Variants in WWC2 observed in about 807,000 individuals in gnomAD.
The protein encoded by WWC2 is WW and C2 domain containing 2, also known as protein WWC2.
Under a neutral mutation model 138.5 loss-of-function variants are expected in WWC2, and 101 were observed. That is an observed-to-expected ratio of 0.73 (90% CI 0.62 to 0.86). WWC2 has a LOEUF of 0.86. WWC2 is among the 40% of genes least tolerant of loss of function. The probability of loss-of-function intolerance (pLI) is 0.00; values close to 1 mark genes in which losing one functional copy is unlikely to be tolerated. For missense variants in WWC2, 1,420 were observed against 1,419.4 expected, an observed-to-expected ratio of 1.00 and a Z score of -0.01; for synonymous variants, 558 against 538.4, an observed-to-expected ratio of 1.04 and a Z score of -0.50.
chr4:183,224,778 C>A (rs972406718), intron 4 of WWC2, among the ~76,000 whole-genome samples: 1 of 152,142 alleles, frequency 6.6e-6, no homozygotes, highest in Admixed American at 6.5e-5. Context: ...TCAGGCTGGT[C>A]TCAAACTCCT....
intron 16 of WWC2, among the ~76,000 whole-genome samples, chr4:183,271,473 C>T (rs1354076156): frequency 6.6e-6 from 1 of 152,166 alleles, no homozygotes; most frequent in African/African-American, 2.4e-5. Context: ...CTCTTTTCTG[C>T]TCACACTTCC....
intron 1 of WWC2, among the ~76,000 whole-genome samples, chr4:183,152,941 G>A (rs915081010): frequency 6.6e-6 from 1 of 152,044 alleles, no homozygotes. Flanking sequence ...TATCAGCTAG[G>A]CTGGAATACA....
In WWC2 at chr4:183,260,962, G is replaced by C. The variant is rs1329065630; in HGVS notation, c.1339G>C (p.Ala447Pro). ...MSSGSSLGSL[A>P]SSRGSLNTSS... The stretch of plus-strand genomic sequence containing the variant: ...ATCTGGGAGCAGCCTGGGTTCCCTG[G>C]CATCGAGTCGGGGCTCTCTGAACAC... Residue 447 changes from alanine to proline, a missense_variant, in exon 11 of 23, where the codon GCA becomes CCA. By Grantham distance (27) the Ala-to-Pro change is conservative. Transcript: ENST00000403733. 1.2e-6 allele frequency: 2 copies of C among 1,613,934 alleles called. No individual in the cohort carries two copies. Among genetic ancestry groups the C allele is most frequent in the East Asian group, 4.5e-5 (2 of 44,878 alleles).
chr4:183,268,164 G>A (rs867378242), intron 14 of WWC2, among the ~76,000 whole-genome samples: 1 of 152,292 alleles, frequency 6.6e-6, no homozygotes, highest in Middle Eastern at 3.4e-3. Flanking sequence ...AGAAAGGCAT[G>A]TTTTAGAATC....
chr4:183,222,478 T>G (rs565578391), intron 4 of WWC2, among the ~76,000 whole-genome samples: 1 of 152,116 alleles, frequency 6.6e-6, no homozygotes, highest in Admixed American at 6.5e-5. Context: ...AATATAGTGG[T>G]CCTATCTAGA....
intron 1 of WWC2, among the ~76,000 whole-genome samples, chr4:183,181,270 C>G (rs1464677425): frequency 3.9e-5 from 6 of 152,198 alleles, no homozygotes; most frequent in African/African-American, 1.4e-4. Flanking sequence ...AAAGTGATCT[C>G]TCACAGTTCT....
Position 183,264,927 on chromosome 4 carries a change from A to C in WWC2, c.1910-51A>C, listed in dbSNP as rs1737444600. The stretch of plus-strand genomic sequence containing the variant: ...AAACTATGTATGTATTTAATACTTA[A>C]CTTTTCCAAATAAGACATTCTGATT... On this transcript the variant is annotated intron_variant, in intron 11 of 22. Transcript: ENST00000403733. The C allele has an allele frequency of 2.6e-6, 4 of 1,551,722 alleles. No homozygotes were observed. The South Asian group carries it at 5.0e-5, about 20-fold the overall frequency.
intron 15 of WWC2, chr4:183,269,370 T>C: frequency 1.4e-6 from 1 of 719,142 alleles, no homozygotes. Flanking sequence ...TGCTTATAAA[T>C]TGTGATTTTC....
chr4:183,271,039 CTTCCT>C, intron 15 of WWC2, 36 bp from the exon 16 acceptor site: 1 of 1,431,972 alleles, frequency 7.0e-7, no homozygotes, highest in Non-Finnish European at 9.2e-7. Flanking sequence ...TTTATTTTCT[CTTCCT>C]TATTTTTTTT....
chr4:183,102,293 G>A (rs1251612589), intron 1 of WWC2, among the ~76,000 whole-genome samples: 1 of 152,192 alleles, frequency 6.6e-6, no homozygotes, highest in Non-Finnish European at 1.5e-5. Context: ...AATTGTATTA[G>A]TGTAGTGTTG....
chr4:183,134,984 T>C (rs796910845), intron 1 of WWC2, among the ~76,000 whole-genome samples: 36 of 151,966 alleles, frequency 2.4e-4, no homozygotes, highest in African/African-American at 6.5e-4. Flanking sequence ...CAGGCTGGAG[T>C]GCAGTGGCAC....
At position 183,315,793 on chromosome 4, in the gene WWC2, G is replaced by A. The variant is rs764913124; in HGVS notation, c.*64G>A. Reference sequence around the variant, plus strand: ...TTCTTAGGGAGGGTAAAAGACTGAAGATTTGTGTTTTTGTTTTGGTGTTTG... The same window carrying A: ...TTCTTAGGGAGGGTAAAAGACTGAAAATTTGTGTTTTTGTTTTGGTGTTTG... On this transcript the variant is annotated 3_prime_UTR_variant, in exon 23 of 23. Coordinates refer to ENST00000403733, the MANE Select transcript of WWC2 (RefSeq NM_024949.6). 1.7e-5 allele frequency: 24 copies of A among 1,384,894 alleles called. No individual in the cohort carries two copies. Among genetic ancestry groups the A allele is most frequent in the Non-Finnish European group, 2.4e-5 (24 of 1,009,894 alleles). The allele number at this position is 1,384,894 out of a possible 1,614,324, so 85.8% of individuals were successfully genotyped here.
intron 1 of WWC2, among the ~76,000 whole-genome samples, chr4:183,161,843 C>T (rs1321874776): frequency 6.6e-6 from 1 of 152,148 alleles, no homozygotes; most frequent in East Asian, 1.9e-4. Context: ...CCTAACCACA[C>T]ATTTCTCAGA....
At chr4:183,174,441 T>C (rs1734398156) in intron 1 of WWC2, among the ~76,000 whole-genome samples, 1 of 152,196 alleles carries the variant, frequency 6.6e-6, no homozygotes, top group South Asian at 2.1e-4. Flanking sequence ...TTCTCATGTC[T>C]CCTGAATCAC....
intron 1 of WWC2, among the ~76,000 whole-genome samples, chr4:183,112,687 A>G (rs1384956078): frequency 1.3e-5 from 2 of 152,224 alleles, no homozygotes; most frequent in Non-Finnish European, 2.9e-5. Flanking sequence ...GGGGAAGGCA[A>G]ACAGATTCTA....
At chr4:183,248,036 A>ATCC (rs1355290305) in intron 6 of WWC2, among the ~76,000 whole-genome samples, 1 of 151,952 alleles carries the variant, frequency 6.6e-6, no homozygotes, top group South Asian at 2.1e-4. Context: ...ACTTGTTCAT[A>ATCC]TCCTCCCTCT....
intron 4 of WWC2, among the ~76,000 whole-genome samples, chr4:183,220,426 G>A (rs72701352): frequency 0.022 from 3,261 of 151,258 alleles, 47 homozygotes; most frequent in Non-Finnish European, 0.026. Flanking sequence ...TTGGATAATA[G>A]TTAAACATTT....
chr4:183,210,036 C>T (rs921027328), intron 4 of WWC2, among the ~76,000 whole-genome samples: 4 of 152,102 alleles, frequency 2.6e-5, no homozygotes, highest in Admixed American at 2.0e-4. Context: ...AACAGCATTT[C>T]GAGATCCACG....
At chr4:183,160,383 T>A (rs1044594392) in intron 1 of WWC2, among the ~76,000 whole-genome samples, 5 of 152,138 alleles carry the variant, frequency 3.3e-5, no homozygotes, top group African/African-American at 9.7e-5. Flanking sequence ...CGAAGTGAAA[T>A]TGGAAGTGAT....
Sources: allele counts gnomAD v4.1 joint callset (sites outside exome capture counted in the v4.1 genomes callset), GRCh38; gene constraint gnomAD v4.1.1; transcripts MANE v1.5; gene names NCBI Gene and HGNC (gene_info 2026-07-23, HGNC 2026-07-21).